SHOC1: variants seen among roughly 807,000 people sequenced by gnomAD.
SHOC1 encodes protein shortage in chiasmata 1 ortholog.
SHOC1 carries 136 observed loss-of-function variants against 179.2 expected under a neutral mutation model. The ratio of observed to expected loss-of-function variants is 0.76; its 90% CI spans 0.66 to 0.87. The LOEUF (loss-of-function observed/expected upper bound fraction) is 0.87. Ranked by LOEUF, SHOC1 falls within the 40% of genes least tolerant of loss-of-function variation. SHOC1 has a pLI of 0.00. For missense variants in SHOC1, 1,538 were observed against 1,700.8 expected (o/e 0.90, Z 1.68); for synonymous variants, 489 against 586.6 (o/e 0.83, Z 2.41).
intron 10 of SHOC1, among the ~76,000 whole-genome samples, chr9:111,745,303 A>T (rs1834225186): frequency 6.6e-6 from 1 of 152,184 alleles, no homozygotes; most frequent in African/African-American, 2.4e-5. Context: ...TTATTATCCC[A>T]GTATTGTAGA....
chr9:111,700,827 C>T (rs1831937547), intron 23 of SHOC1, among the ~76,000 whole-genome samples: 1 of 152,114 alleles, frequency 6.6e-6, no homozygotes, highest in Non-Finnish European at 1.5e-5. Context: ...GATTAAGTGT[C>T]AGGCAGAGGG....
In SHOC1 at chr9:111,718,257, C is replaced by G; in HGVS notation, c.2163G>C (p.Lys721Asn). 1 of 1,595,908 alleles carries G rather than the reference C, an allele frequency of 6.3e-7. No individual in the cohort carries two copies. The highest frequency in any genetic ancestry group is 8.5e-7 in the Non-Finnish European group (1 of 1,173,250). The change falls in exon 16 of 28, where the codon AAG becomes AAC. Residue 721 changes from lysine (K) to asparagine (N), a missense_variant. Lys to Asn is a moderately conservative substitution (Grantham distance 94, BLOSUM62 0). Coordinates refer to ENST00000682961, the MANE Select transcript of SHOC1 (RefSeq NM_001378211.1). ...GTIDEREMTF[K>N]HAALLHLLVT... ...CCAGAAGATGTAAGAGAGCGGCATG[C>G]TTGAAAGTCATTTCTCTTTCATCAA...
chr9:111,723,766 A>G, intron 14 of SHOC1, 26 bp downstream of exon 14: 1 of 1,603,338 alleles, frequency 6.2e-7, no homozygotes, highest in South Asian at 1.1e-5. Flanking sequence ...CAAATCTGAA[A>G]TGCATTTTAA....
At chr9:111,755,034 G>A (rs2062698218) in intron 8 of SHOC1, among the ~76,000 whole-genome samples, 1 of 152,096 alleles carries the variant, frequency 6.6e-6, no homozygotes, top group Non-Finnish European at 1.5e-5. Context: ...AAGGTACCTG[G>A]GACACTGCCT....
Position 111,717,767 on chromosome 9 carries a change from A to G in SHOC1, c.2236+417T>C, listed in dbSNP as rs563307225. 2.6e-5 allele frequency among the ~76,000 whole-genome samples: 4 copies of G among 152,296 alleles called. No individual in the cohort carries two copies. In the South Asian group the frequency reaches 8.3e-4, roughly 32 times the overall value. Reference sequence around the variant, plus strand: ...CCAAGTAATTCATATACTAATATAGACATGACTAAAAAAGAAATTGGAAAA... The same window carrying G: ...CCAAGTAATTCATATACTAATATAGGCATGACTAAAAAAGAAATTGGAAAA... On this transcript the variant is annotated intron_variant, in intron 16 of 27. Transcript: ENST00000682961.
intron 15 of SHOC1, among the ~76,000 whole-genome samples, chr9:111,722,092 C>T (rs1589407196): frequency 6.6e-6 from 1 of 152,140 alleles, no homozygotes; most frequent in Non-Finnish European, 1.5e-5. Flanking sequence ...AGTTTTTGAC[C>T]TCCTTTTTTG....
intron 4 of SHOC1, among the ~76,000 whole-genome samples, chr9:111,778,615 A>C (rs989449810): frequency 2.0e-5 from 3 of 151,818 alleles, no homozygotes; most frequent in African/African-American, 7.3e-5. Flanking sequence ...CTAAAAATAC[A>C]AAAAATTTAG....
intron 10 of SHOC1, among the ~76,000 whole-genome samples, chr9:111,741,993 T>C (rs1471957518): frequency 6.6e-6 from 1 of 152,152 alleles, no homozygotes; most frequent in Non-Finnish European, 1.5e-5. Context: ...AAGTGAAAAA[T>C]TGACTTTATA....
chr9:111,781,258 A>T, intron 3 of SHOC1: 1 of 410,260 alleles, frequency 2.4e-6, no homozygotes. Flanking sequence ...CTCATTTTAT[A>T]GCCTCTCTTT....
In SHOC1 at chr9:111,699,994, A is replaced by G. The variant is rs191108377; in HGVS notation, c.3143T>C (p.Leu1048Ser). 4.4e-6 allele frequency: 7 copies of G among 1,609,184 alleles called. No homozygotes were observed. The Admixed American group carries it at 1.2e-4, about 27-fold the overall frequency. ...TTCAGAGTTTAGCCCAAATGAAACC[A>G]AAGCTGCATAAATCAGTGCTAGGTG... ...LHHLALIYAA[L>S]VSFGLNSEEL... is the part of the protein sequence containing the mutation. Residue 1048 changes from leucine (L) to serine (S), a missense_variant, in exon 24 of 28, where the codon TTG (leucine) becomes TCG (serine). Transcript: ENST00000682961.
At position 111,756,361 on chromosome 9, in the gene SHOC1, T is replaced by G. The variant is rs779706336; in HGVS notation, c.826A>C (p.Asn276His). 8 of 1,607,812 alleles carry G rather than the reference T, an allele frequency of 5.0e-6. No individual in the cohort carries two copies. The highest frequency in any genetic ancestry group is 6.8e-6 in the Non-Finnish European group (8 of 1,177,908). Reference sequence around the variant, plus strand: ...AGCTTTTCCTTTTCATCTACATAGTTTATTATTTCTGGCACTGGGTTTAAT... The same window carrying G: ...AGCTTTTCCTTTTCATCTACATAGTGTATTATTTCTGGCACTGGGTTTAAT... The part of the protein sequence containing the change: ...ELLNPVPEII[N>H]YVDEKEKLFE... The change falls in exon 8 of 28, where the codon AAC becomes CAC. Residue 276 changes from asparagine to histidine, a missense_variant. Coordinates refer to ENST00000682961, the MANE Select transcript of SHOC1 (RefSeq NM_001378211.1).
At chr9:111,738,054 A>G in intron 12 of SHOC1, 1 of 434,072 alleles carries the variant, frequency 2.3e-6, no homozygotes, top group Admixed American at 4.2e-5. Flanking sequence ...GAGACTATAG[A>G]ATTTTAGGAC....
chr9:111,701,981 A>C, intron 23 of SHOC1, 124 bp downstream of exon 23: 2 of 651,766 alleles, frequency 3.1e-6, no homozygotes, highest in Non-Finnish European at 5.0e-6. Context: ...TCCAGCTTGA[A>C]AATCCTTGAC....
At chr9:111,735,649 G>T (rs529445274) in intron 12 of SHOC1, among the ~76,000 whole-genome samples, 3 of 152,022 alleles carry the variant, frequency 2.0e-5, no homozygotes, top group Non-Finnish European at 2.9e-5. Flanking sequence ...ATGAACATAC[G>T]TGTGCATGTG....
chr9:111,723,194 A>C (rs1277756139), intron 14 of SHOC1, among the ~76,000 whole-genome samples: 2 of 152,224 alleles, frequency 1.3e-5, no homozygotes, highest in Non-Finnish European at 2.9e-5. Context: ...TTAGCATATG[A>C]TCTTAAGCCA....
At chr9:111,723,649 T>C in intron 14 of SHOC1, 143 bp downstream of exon 14, 1 of 835,668 alleles carries the variant, frequency 1.2e-6, no homozygotes, top group Non-Finnish European at 1.9e-6. Flanking sequence ...GATTGGGATA[T>C]AACTTGAAAG....
intron 4 of SHOC1, among the ~76,000 whole-genome samples, chr9:111,779,693 G>A (rs138929494): frequency 1.1e-4 from 17 of 152,182 alleles, no homozygotes; most frequent in African/African-American, 3.9e-4. Context: ...ACTCAAGGTA[G>A]GTCTTTGGAC....
intron 11 of SHOC1, among the ~76,000 whole-genome samples, chr9:111,741,061 C>A (rs1190769107): frequency 6.6e-6 from 1 of 152,158 alleles, no homozygotes; most frequent in Non-Finnish European, 1.5e-5. Flanking sequence ...GGCTAATTTC[C>A]GGCCGTTGTT....
chr9:111,789,035 C>T (rs144758479), intron 2 of SHOC1, among the ~76,000 whole-genome samples: 8 of 152,302 alleles, frequency 5.3e-5, no homozygotes, highest in African/African-American at 1.9e-4. Context: ...CTTTCAAGGC[C>T]CATCTTAAAC....
Sources: gnomAD v4.1 joint callset for allele counts (sites outside exome capture counted in the v4.1 genomes callset) on GRCh38, gnomAD v4.1.1 for gene constraint, MANE v1.5 for transcripts, NCBI Gene and HGNC (gene_info 2026-07-23, HGNC 2026-07-21) for gene names.